Variants in NAA15 observed in about 807,000 individuals in gnomAD.
NAA15 encodes N-terminal acetyltransferase.
A neutral mutation model predicts 114.0 loss-of-function variants in NAA15; 34 were observed. That is an observed-to-expected ratio of 0.30 (90% CI 0.23 to 0.40). NAA15 has a LOEUF of 0.40. Among genes scored for constraint, NAA15 ranks in the 10% least tolerant of loss-of-function variants. The pLI is 1.00. For synonymous variants in NAA15, 340 were observed against 338.0 expected, an observed-to-expected ratio of 1.01 and a Z score of -0.06; for missense variants, 658 against 1,004.5, an observed-to-expected ratio of 0.66 and a Z score of 4.66.
chr4:139,323,657 C>T (rs1322013605), intron 1 of NAA15, among the ~76,000 whole-genome samples: 1 of 152,214 alleles, frequency 6.6e-6, no homozygotes, highest in Non-Finnish European at 1.5e-5. Context: ...ACCTATTCTG[C>T]AGTCTGGAAG....
At chr4:139,321,899 CT>C (rs1223031871) in intron 1 of NAA15, among the ~76,000 whole-genome samples, 5 of 152,026 alleles carry the variant, frequency 3.3e-5, no homozygotes, top group South Asian at 4.2e-4. Context: ...ATTTCTGACT[CT>C]TTTTTTATTG....
rs561666392 is a variant in NAA15, at chr4:139,360,752, C to T, written c.1539+124C>T. ...GTAGGTGCTTTTTAAAATCAGTATT[C>T]ACTTTTTTCAGTTTTCATACTGGAA... On this transcript the variant is annotated intron_variant, in intron 13 of 19. Transcript: ENST00000296543. The T allele has an allele frequency of 9.0e-4, 756 of 842,090 alleles. 5 individuals are homozygous for T. The African/African-American group carries it at 0.013, about 14-fold the overall frequency. The allele number at this position is 842,090 out of a possible 1,614,324, so 52.2% of individuals were successfully genotyped here.
At chr4:139,381,647 A>G (rs542397633) in intron 17 of NAA15, among the ~76,000 whole-genome samples, 4 of 152,208 alleles carry the variant, frequency 2.6e-5, no homozygotes, top group South Asian at 2.1e-4. Flanking sequence ...CGGTTGTACT[A>G]TAACCTAGTA....
chr4:139,356,106 A>G (rs1747940594), intron 10 of NAA15, among the ~76,000 whole-genome samples: 2 of 152,224 alleles, frequency 1.3e-5, no homozygotes, highest in African/African-American at 4.8e-5. Flanking sequence ...GAATTCATGG[A>G]TTTAAGCATA....
At chr4:139,360,808 A>G (rs930535321) in intron 13 of NAA15, among the ~76,000 whole-genome samples, 180 bp downstream of exon 13, 2 of 152,032 alleles carry the variant, frequency 1.3e-5, no homozygotes, top group African/African-American at 4.8e-5. Context: ...CAGGGTCTCT[A>G]TTGTCTTGTG....
intron 10 of NAA15, 124 bp from the exon 11 acceptor site, chr4:139,357,262 G>A (rs1747987621): frequency 1.3e-6 from 1 of 784,486 alleles, no homozygotes; most frequent in Admixed American, 2.8e-5. Flanking sequence ...GAGTTTTATA[G>A]CTAGATACAT....
rs934255035 is a variant in NAA15 at position 139,312,500 on chromosome 4, A to G, written c.54+10669A>G. On this transcript the variant is annotated intron_variant, in intron 1 of 19. Coordinates refer to ENST00000296543, the MANE Select transcript of NAA15 (RefSeq NM_057175.5). ...GGTAAGATAGGAAATTATATTGTTC[A>G]CTACTTAATATGGCATTAAAATAAT... Among the ~76,000 whole-genome samples the G allele has an allele frequency of 2.0e-5, 3 of 151,890 alleles. 1 individual carries two copies. The highest frequency in any genetic ancestry group is 1.5e-5 in the Non-Finnish European group (1 of 67,992).
chr4:139,315,051 G>GTCAGGTCAGGTCAGGTCAGGTCAGT (rs1746358662), intron 1 of NAA15, among the ~76,000 whole-genome samples: 1 of 112,400 alleles, frequency 8.9e-6, no homozygotes, highest in African/African-American at 3.4e-5. Flanking sequence ...GTTAGGTTAG[G>GTCAGGTCAGGTCAGGTCAGGTCAGT]TTAGTTTAGT....
intron 1 of NAA15, among the ~76,000 whole-genome samples, chr4:139,331,611 C>T (rs547530428): frequency 2.2e-4 from 32 of 147,482 alleles, no homozygotes; most frequent in Middle Eastern, 3.4e-3. Context: ...CCATCATGCC[C>T]GGCTAATTTT....
chr4:139,354,776 A>C (rs939684934), intron 10 of NAA15, among the ~76,000 whole-genome samples: 4 of 152,258 alleles, frequency 2.6e-5, no homozygotes, highest in Non-Finnish European at 5.9e-5. Context: ...GTTCTGAAGC[A>C]GATCCAAACA....
At chr4:139,365,796 A>G (rs1748262981) in intron 14 of NAA15, among the ~76,000 whole-genome samples, 1 of 152,176 alleles carries the variant, frequency 6.6e-6, no homozygotes. Flanking sequence ...AGCTGCAGTG[A>G]ACCATGTTTG....
chr4:139,370,998 C>G (rs1748420622), intron 15 of NAA15, among the ~76,000 whole-genome samples: 1 of 152,180 alleles, frequency 6.6e-6, no homozygotes, highest in South Asian at 2.1e-4. Flanking sequence ...TAAGCTGAAA[C>G]CAAGATACTC....
At position 139,370,433 on chromosome 4, in the gene NAA15, G is replaced by A. The variant is rs749833801; in HGVS notation, c.1947+29G>A. On this transcript the variant is annotated intron_variant, in intron 15 of 19. Coordinates refer to ENST00000296543, the MANE Select transcript of NAA15 (RefSeq NM_057175.5). ...CTTAATAATAGTGTTTAGCACAATTGAGTGACATTTTATGACCAGCTCTTG... is the reference window on the plus strand; with the variant it reads ...CTTAATAATAGTGTTTAGCACAATTAAGTGACATTTTATGACCAGCTCTTG... The A allele has an allele frequency of 2.7e-6, 4 of 1,500,654 alleles. No homozygotes were observed. The African/African-American group carries it at 5.6e-5, about 21-fold the overall frequency. 93.0% of individuals were successfully genotyped at this position (1,500,654 alleles called of 1,614,324 possible).
At chr4:139,385,036 C>A in intron 18 of NAA15, 58 bp downstream of exon 18, 1 of 1,319,334 alleles carries the variant, frequency 7.6e-7, no homozygotes, top group Non-Finnish European at 1.0e-6. Flanking sequence ...TTTAATGAAT[C>A]AACAATAATA....
rs376712191 is a variant in NAA15, at chr4:139,341,051, A to C, written c.384A>C (p.Arg128=). The part of the protein sequence containing the change: ...RDLSLLQIQM[R]DLEGYRETRY... ...TTTCCTTACTACAGATTCAAATGCG[A>C]GATCTTGAGGGTTACAGGGTAAGTA... Residue 128 remains arginine (R), a synonymous_variant, in exon 4 of 20, where the codon CGA becomes CGC. Coordinates refer to ENST00000296543, the MANE Select transcript of NAA15 (RefSeq NM_057175.5). 4.5e-5 allele frequency: 72 copies of C among 1,583,876 alleles called. No homozygotes were observed. The highest frequency in any genetic ancestry group is 1.7e-4 in the Middle Eastern group (1 of 5,872).
At chr4:139,378,568 TC>T (rs1405352288) in intron 16 of NAA15, among the ~76,000 whole-genome samples, 187 bp from the exon 17 acceptor site, 50 of 152,310 alleles carry the variant, frequency 3.3e-4, no homozygotes, top group Admixed American at 3.2e-3. Flanking sequence ...AAACGTTTTT[TC>T]TTAATGTTAT....
chr4:139,349,497 G>T lies in NAA15; in HGVS notation c.727G>T (p.Ala243Ser), dbSNP rs754365558. ...GTTGCAACTATGTCGTTTGGAAGAT[G>T]CTGCAGATGTTTATAGAGGATTGCA... ...LLLQLCRLED[A>S]ADVYRGLQER... Residue 243 changes from alanine to serine, a missense_variant, in exon 7 of 20, where the codon GCT (alanine) becomes TCT (serine). Ala to Ser is a moderately conservative substitution (Grantham distance 99). Around this residue, in one of 6 missense-constraint regions of NAA15, gnomAD observed 281 missense variants for 389.1 expected, o/e 0.72. Coordinates refer to ENST00000296543, the MANE Select transcript of NAA15 (RefSeq NM_057175.5). 1 of 1,608,604 alleles carries T rather than the reference G, an allele frequency of 6.2e-7. No homozygotes were observed. Among genetic ancestry groups the T allele is most frequent in the Non-Finnish European group, 8.5e-7 (1 of 1,178,314 alleles).
chr4:139,342,786 A>G (rs769263973), intron 4 of NAA15, 40 bp from the exon 5 acceptor site: 2 of 1,591,952 alleles, frequency 1.3e-6, no homozygotes, highest in Non-Finnish European at 1.7e-6. Context: ...TGCTGTTACT[A>G]AAAGCCTAAG....
At chr4:139,326,932 A>G (rs1301346451) in intron 1 of NAA15, among the ~76,000 whole-genome samples, 6 of 152,038 alleles carry the variant, frequency 3.9e-5, no homozygotes, top group Admixed American at 3.9e-4. Flanking sequence ...AGTTACTAAT[A>G]AATATTTTTT....
Sources: allele counts gnomAD v4.1 joint callset (sites outside exome capture counted in the v4.1 genomes callset), GRCh38; gene constraint gnomAD v4.1.1; regional missense constraint gnomAD v4.1.1; transcripts MANE v1.5; gene names NCBI Gene and HGNC (gene_info 2026-07-23, HGNC 2026-07-21).